CDH13: variants seen among roughly 807,000 people sequenced by gnomAD.
CDH13 encodes the protein cadherin 13.
CDH13 carries 24 observed loss-of-function variants against 63.8 expected under a neutral mutation model. The observed-to-expected ratio is 0.38, with a 90% CI of 0.27 to 0.53. The LOEUF (loss-of-function observed/expected upper bound fraction) is 0.53. Ranked by LOEUF, CDH13 falls within the 20% of genes least tolerant of loss-of-function variation. The probability of loss-of-function intolerance (pLI) is 0.85; values close to 1 mark genes in which losing one functional copy is unlikely to be tolerated. For missense variants in CDH13, 1,049 were observed against 903.1 expected (o/e 1.16, Z -2.07); for synonymous variants, 503 against 355.3 (o/e 1.42, Z -4.67).
At chr16:83,054,492 C>G (rs994110292) in intron 3 of CDH13, among the ~76,000 whole-genome samples, 3 of 152,080 alleles carry the variant, frequency 2.0e-5, no homozygotes, top group Non-Finnish European at 4.4e-5. Flanking sequence ...GTGGATACAC[C>G]GGACAAAGCC....
chr16:82,810,210 T>A (rs1162614478), intron 1 of CDH13, among the ~76,000 whole-genome samples: 4 of 152,290 alleles, frequency 2.6e-5, no homozygotes, highest in African/African-American at 7.2e-5. Flanking sequence ...CAAAAACGTA[T>A]CCAGTTCAAC....
At chr16:82,798,992 C>T (rs570835309) in intron 1 of CDH13, among the ~76,000 whole-genome samples, 47 of 152,216 alleles carry the variant, frequency 3.1e-4, no homozygotes, top group African/African-American at 8.9e-4. Flanking sequence ...GGTAGGATTC[C>T]AACCTGGGCA....
chr16:83,273,080 C>T (rs1037745518), intron 5 of CDH13, among the ~76,000 whole-genome samples: 8 of 152,104 alleles, frequency 5.3e-5, no homozygotes, highest in African/African-American at 1.9e-4. Context: ...GGGGGAAGCA[C>T]CACAAAGCTG....
intron 8 of CDH13, among the ~76,000 whole-genome samples, chr16:83,622,784 C>G (rs1329067431): frequency 6.6e-6 from 1 of 152,224 alleles, no homozygotes; most frequent in Non-Finnish European, 1.5e-5. Flanking sequence ...TCACCAGTCT[C>G]TGTGAATTTG....
In CDH13 at chr16:83,795,500, C is replaced by G. The variant is rs118070870; in HGVS notation, c.*470C>G. 1,379 of 160,802 alleles carry G rather than the reference C, an allele frequency of 8.6e-3. 11 individuals carry two copies. The highest frequency in any genetic ancestry group is 0.012 in the South Asian group (65 of 5,596). The allele number at this position is 160,802 out of a possible 1,614,324, so 10.0% of individuals were successfully genotyped here. Reference sequence around the variant, plus strand: ...CAAGGTTAAGCAAGGTGGGTGGAAACTAAGACACCTGAACCCTCCAGGGCC... The same window carrying G: ...CAAGGTTAAGCAAGGTGGGTGGAAAGTAAGACACCTGAACCCTCCAGGGCC... On this transcript the variant is annotated 3_prime_UTR_variant, in exon 14 of 14. Coordinates refer to ENST00000567109, the MANE Select transcript of CDH13 (RefSeq NM_001257.5).
intron 8 of CDH13, among the ~76,000 whole-genome samples, chr16:83,606,620 G>T (rs1490295383): frequency 1.3e-5 from 2 of 151,824 alleles, no homozygotes; most frequent in African/African-American, 4.8e-5. Flanking sequence ...CCAGCTACCT[G>T]GGAGGCTGCG....
At chr16:83,061,954 T>G (rs1189387827) in intron 3 of CDH13, among the ~76,000 whole-genome samples, 1 of 152,180 alleles carries the variant, frequency 6.6e-6, no homozygotes, top group African/African-American at 2.4e-5. Context: ...AACTGTGATT[T>G]GGAGCTCGAA....
At chr16:82,928,182 G>GTGTA (rs1465882724) in intron 2 of CDH13, among the ~76,000 whole-genome samples, 4 of 141,692 alleles carry the variant, frequency 2.8e-5, no homozygotes, top group Admixed American at 2.1e-4. Flanking sequence ...GTGTGTGTGT[G>GTGTA]TGTGTGTATG....
intron 2 of CDH13, among the ~76,000 whole-genome samples, chr16:82,912,233 T>TG: frequency 6.6e-6 from 1 of 152,138 alleles, no homozygotes; most frequent in Middle Eastern, 3.4e-3. Context: ...CATGTTAATA[T>TG]TTTCTTAACT....
At chr16:83,585,990 A>G (rs948600045) in intron 7 of CDH13, among the ~76,000 whole-genome samples, 1 of 152,228 alleles carries the variant, frequency 6.6e-6, no homozygotes, top group Non-Finnish European at 1.5e-5. Flanking sequence ...CCTCAACTGC[A>G]CAATGAACAC....
chr16:83,513,477 A>C (rs962472525), intron 7 of CDH13, among the ~76,000 whole-genome samples: 1 of 151,392 alleles, frequency 6.6e-6, no homozygotes, highest in Non-Finnish European at 1.5e-5. Context: ...TAGACTGAAT[A>C]ATTTATAAAG....
At chr16:83,602,291 A>T (rs753129514) in intron 7 of CDH13, among the ~76,000 whole-genome samples, 163 bp from the exon 8 acceptor site, 5 of 152,172 alleles carry the variant, frequency 3.3e-5, no homozygotes, top group Non-Finnish European at 7.3e-5. Flanking sequence ...GAGATTCCAA[A>T]GGCACATTTA....
intron 5 of CDH13, among the ~76,000 whole-genome samples, chr16:83,248,978 C>G (rs937334295): frequency 1.3e-5 from 2 of 152,206 alleles, no homozygotes; most frequent in Non-Finnish European, 2.9e-5. Flanking sequence ...CCAGCTTTCA[C>G]TCTTTGAGTG....
At chr16:82,810,126 T>G (rs911133922) in intron 1 of CDH13, among the ~76,000 whole-genome samples, 1 of 152,222 alleles carries the variant, frequency 6.6e-6, no homozygotes, top group Non-Finnish European at 1.5e-5. Flanking sequence ...AAACCTTTTC[T>G]GCTTCAAGGT....
At chr16:83,769,934 G>A (rs141116388) in intron 11 of CDH13, among the ~76,000 whole-genome samples, 1 of 152,076 alleles carries the variant, frequency 6.6e-6, no homozygotes, top group Admixed American at 6.6e-5. Context: ...GAAAAATCAG[G>A]GTACTTGGTT....
chr16:83,330,881 A>C (rs1346272467), intron 5 of CDH13, among the ~76,000 whole-genome samples: 9 of 152,212 alleles, frequency 5.9e-5, no homozygotes, highest in Admixed American at 5.9e-4. Context: ...CGCTTCTTAG[A>C]TGCTTGAGAC....
At chr16:83,600,010 A>G (rs1907629004) in intron 7 of CDH13, among the ~76,000 whole-genome samples, 1 of 152,216 alleles carries the variant, frequency 6.6e-6, no homozygotes, top group South Asian at 2.1e-4. Context: ...GATGACAAGC[A>G]GAAAGCCACT....
rs557453202 is a variant in CDH13, at chr16:82,729,501, T to C, written c.45+102364T>C. ...TATTTTGGAAGGAATTTTTTTTTTT[T>C]TCTGAGCAGTAGGTCTCAACAATGG... On this transcript the variant is annotated intron_variant, in intron 1 of 13. Transcript: ENST00000567109. 8.9e-4 allele frequency among the ~76,000 whole-genome samples: 136 copies of C among 152,294 alleles called. 1 individual carries two copies. The highest frequency in any genetic ancestry group is 3.1e-3 in the African/African-American group (128 of 41,574).
intron 4 of CDH13, among the ~76,000 whole-genome samples, chr16:83,207,033 T>C (rs1475912544): frequency 6.6e-6 from 1 of 152,230 alleles, no homozygotes; most frequent in African/African-American, 2.4e-5. Context: ...AGGATCTGAA[T>C]AGTTTAATCA....
Sources: allele counts gnomAD v4.1 joint callset (sites outside exome capture counted in the v4.1 genomes callset), GRCh38; gene constraint gnomAD v4.1.1; transcripts MANE v1.5; gene names NCBI Gene and HGNC (gene_info 2026-07-23, HGNC 2026-07-21).